PRMT3: variants seen among roughly 807,000 people sequenced by gnomAD.
PRMT3 encodes protein arginine N-methyltransferase 3.
PRMT3 carries 62 observed loss-of-function variants against 71.9 expected under a neutral mutation model. That is an observed-to-expected ratio of 0.86 (90% CI 0.70 to 1.07). The LOEUF is 1.07. Among genes scored for constraint, PRMT3 ranks in the 50% least tolerant of loss-of-function variants. The pLI is 0.00. For synonymous variants in PRMT3, 213 were observed against 220.4 expected (o/e 0.97, Z 0.30); for missense variants, 663 against 643.0 (o/e 1.03, Z -0.34).
chr11:20,500,549 G>A (rs994916393), intron 15 of PRMT3, among the ~76,000 whole-genome samples: 12 of 152,176 alleles, frequency 7.9e-5, no homozygotes, highest in African/African-American at 2.2e-4. Context: ...TTGTAGCCAT[G>A]TAAGTCAGTA....
At chr11:20,392,821 A>T in intron 4 of PRMT3, 76 bp from the exon 5 acceptor site, 2 of 944,050 alleles carry the variant, frequency 2.1e-6, no homozygotes, top group Admixed American at 2.2e-5. Context: ...CTTTTTGTTT[A>T]ATTTCTGTAG....
At chr11:20,428,162 G>T (rs928130758) in intron 10 of PRMT3, among the ~76,000 whole-genome samples, 1 of 151,914 alleles carries the variant, frequency 6.6e-6, no homozygotes, top group African/African-American at 2.4e-5. Flanking sequence ...CAAAGAATTT[G>T]TATCAGCACT....
At chr11:20,504,735 A>AGAGAGAGAGAGAGAGAGC (rs1565243488) in intron 15 of PRMT3, among the ~76,000 whole-genome samples, 3 of 151,496 alleles carry the variant, frequency 2.0e-5, no homozygotes, top group Admixed American at 6.6e-5. Context: ...AGAGAGAGAG[A>AGAGAGAGAGAGAGAGAGC]GAGAGAGAGA....
At chr11:20,476,640 CTACTTTTTAATTCAT>C (rs1302007376) in intron 13 of PRMT3, among the ~76,000 whole-genome samples, 1 of 152,034 alleles carries the variant, frequency 6.6e-6, no homozygotes, top group Non-Finnish European at 1.5e-5. Flanking sequence ...TTTTTTTCAC[CTACTTTTTAATTCAT>C]TATTTCTTTT....
intron 9 of PRMT3, among the ~76,000 whole-genome samples, chr11:20,412,583 G>A (rs751437771): frequency 4.0e-4 from 61 of 151,560 alleles, no homozygotes; most frequent in Non-Finnish European, 4.1e-4. Flanking sequence ...TTTTGTTTTT[G>A]TTTTTGTTGG....
chr11:20,436,865 T>C (rs749763406), intron 10 of PRMT3, among the ~76,000 whole-genome samples: 13 of 152,156 alleles, frequency 8.5e-5, no homozygotes, highest in African/African-American at 1.2e-4. Context: ...TCGGTGTTAG[T>C]TCTTTAAGGG....
intron 9 of PRMT3, among the ~76,000 whole-genome samples, chr11:20,413,670 A>T (rs1165258318): frequency 1.3e-5 from 2 of 151,364 alleles, no homozygotes; most frequent in African/African-American, 4.8e-5. Context: ...TATTGCAGCT[A>T]TCTTGTCAAA....
chr11:20,419,151 T>C (rs189696036), intron 9 of PRMT3, among the ~76,000 whole-genome samples: 294 of 152,354 alleles, frequency 1.9e-3, no homozygotes, highest in Admixed American at 4.0e-3. Context: ...ACCTATAGTA[T>C]GTAACAGTTG....
chr11:20,436,271 A>G (rs1055984989), intron 10 of PRMT3, among the ~76,000 whole-genome samples: 1 of 152,228 alleles, frequency 6.6e-6, no homozygotes, highest in South Asian at 2.1e-4. Context: ...CTTCTTTCCA[A>G]TTTGGATGTC....
intron 15 of PRMT3, among the ~76,000 whole-genome samples, chr11:20,503,918 G>T (rs577511550): frequency 6.6e-6 from 1 of 152,222 alleles, no homozygotes; most frequent in Admixed American, 6.5e-5. Context: ...TTTTAAAAAT[G>T]ACTATGCTAT....
Position 20,452,150 on chromosome 11 carries a change from G to A in PRMT3, c.1014G>A (p.Glu338=). 1 of 1,608,874 alleles carries A rather than the reference G, an allele frequency of 6.2e-7. No homozygotes were observed. The highest frequency in any genetic ancestry group is 8.5e-7 in the Non-Finnish European group (1 of 1,175,958). Residue 338 remains glutamate (E), a synonymous_variant, in exon 11 of 16, where the codon GAG becomes GAA. Transcript: ENST00000331079. ...SEWMGYFLLF[E]SMLDSVLYAK... is the part of the protein sequence containing the mutation. ...TGCAGGGCTATTTTCTTCTGTTTGA[G>A]TCTATGTTAGATTCTGTCCTTTATG...
chr11:20,507,452 T>A (rs1445065958), intron 15 of PRMT3, among the ~76,000 whole-genome samples: 1 of 72,732 alleles, frequency 1.4e-5, no homozygotes, highest in African/African-American at 3.7e-5. Context: ...GACACTGTGG[T>A]ATGTAGTTAG....
chr11:20,396,862 T>A (rs1848837893), intron 6 of PRMT3, among the ~76,000 whole-genome samples: 1 of 152,200 alleles, frequency 6.6e-6, no homozygotes, highest in Non-Finnish European at 1.5e-5. Flanking sequence ...CTGACAAGTA[T>A]ACCTCACAGG....
chr11:20,421,277 A>G (rs1281351441), intron 9 of PRMT3, among the ~76,000 whole-genome samples: 6 of 152,226 alleles, frequency 3.9e-5, no homozygotes, highest in South Asian at 4.2e-4. Flanking sequence ...GGCTCAAGCA[A>G]TCCTCCCGTC....
At chr11:20,494,307 A>G in intron 15 of PRMT3, 53 bp downstream of exon 15, 7 of 1,391,626 alleles carry the variant, frequency 5.0e-6, no homozygotes, top group Non-Finnish European at 7.1e-6. Context: ...AGTAAATGAT[A>G]TTCATTCATT....
At chr11:20,464,143 T>G (rs1850451045) in intron 12 of PRMT3, among the ~76,000 whole-genome samples, 1 of 152,188 alleles carries the variant, frequency 6.6e-6, no homozygotes, top group South Asian at 2.1e-4. Flanking sequence ...CATTTTTTAT[T>G]TGAAAGTATT....
At chr11:20,505,730 T>G (rs1851574861) in intron 15 of PRMT3, among the ~76,000 whole-genome samples, 2 of 152,164 alleles carry the variant, frequency 1.3e-5, no homozygotes, top group Admixed American at 1.3e-4. Context: ...TTCAATATAC[T>G]AATGATCTTT....
At chr11:20,441,160 T>C (rs1450895742) in intron 10 of PRMT3, among the ~76,000 whole-genome samples, 1 of 151,936 alleles carries the variant, frequency 6.6e-6, no homozygotes, top group Non-Finnish European at 1.5e-5. Flanking sequence ...TTTATGGTCG[T>C]TTTATACTGC....
At chr11:20,505,539 G>A (rs1851569883) in intron 15 of PRMT3, among the ~76,000 whole-genome samples, 1 of 152,072 alleles carries the variant, frequency 6.6e-6, no homozygotes, top group African/African-American at 2.4e-5. Context: ...TAACCAAGTT[G>A]GCAATTACTA....
Sources: allele counts gnomAD v4.1 joint callset (sites outside exome capture counted in the v4.1 genomes callset), GRCh38; gene constraint gnomAD v4.1.1; transcripts MANE v1.5; gene names NCBI Gene and HGNC (gene_info 2026-07-23, HGNC 2026-07-21).